LRRC37A2: variants seen among roughly 807,000 people sequenced by gnomAD.
LRRC37A2 encodes the protein leucine-rich repeat-containing protein 37A2.
A neutral mutation model predicts 68.8 loss-of-function variants in LRRC37A2; 9 were observed. The observed-to-expected ratio is 0.13, with a 90% CI of 0.08 to 0.23. The LOEUF (loss-of-function observed/expected upper bound fraction) is 0.23, where lower values mean the gene tolerates loss of function less well. Among genes scored for constraint, LRRC37A2 ranks in the 10% least tolerant of loss-of-function variants. LRRC37A2 has a pLI of 1.00. For missense variants in LRRC37A2, 168 were observed against 950.4 expected (o/e 0.18, Z 10.82); for synonymous variants, 63 against 367.6 (o/e 0.17, Z 9.48).
At chr17:46,990,398 A>G in the LRRC37A2 span, among the ~76,000 whole-genome samples, 1 of 152,222 alleles carries the variant, frequency 6.6e-6, no homozygotes, top group Non-Finnish European at 1.5e-5. Flanking sequence ...ATCTTTGCCA[A>G]TGTCCTTAAG....
chr17:46,907,666 CA>C, the LRRC37A2 span, among the ~76,000 whole-genome samples: 1 of 117,364 alleles, frequency 8.5e-6, no homozygotes, highest in East Asian at 2.7e-4. Flanking sequence ...GTGAAACCTC[CA>C]TCTCTACAAA....
the LRRC37A2 span, among the ~76,000 whole-genome samples, chr17:46,988,008 C>T: frequency 1.3e-5 from 2 of 152,110 alleles, no homozygotes; most frequent in East Asian, 3.8e-4. Flanking sequence ...CGTGTCTCTA[C>T]TAAAAATACA....
chr17:46,708,823 T>TATATA, the LRRC37A2 span, among the ~76,000 whole-genome samples: 99 of 59,568 alleles, frequency 1.7e-3, no homozygotes, highest in Admixed American at 0.014. Flanking sequence ...TATATATATA[T>TATATA]TTTTTTTTTT....
the LRRC37A2 span, among the ~76,000 whole-genome samples, chr17:46,946,178 G>A: frequency 7.3e-5 from 11 of 151,318 alleles, no homozygotes; most frequent in East Asian, 1.6e-3. Context: ...TCTCATGCCT[G>A]TAATCCCAGC....
At chr17:46,793,124 A>G in the LRRC37A2 span, among the ~76,000 whole-genome samples, 2 of 125,858 alleles carry the variant, frequency 1.6e-5, no homozygotes, top group East Asian at 4.7e-4. Context: ...AAAAAAAAAA[A>G]TTAGCTGGGC....
the LRRC37A2 span, among the ~76,000 whole-genome samples, chr17:46,817,378 G>A: frequency 7.2e-5 from 11 of 152,004 alleles, no homozygotes; most frequent in Admixed American, 2.0e-4. Context: ...ACCTCCCCCC[G>A]CCCAGGCCAA....
the LRRC37A2 span, among the ~76,000 whole-genome samples, chr17:46,847,211 T>A: frequency 6.6e-6 from 1 of 152,358 alleles, no homozygotes; most frequent in Admixed American, 6.5e-5. Flanking sequence ...GGCATGGCTG[T>A]GAGTTCCCTG....
At chr17:46,872,429 T>G in the LRRC37A2 span, 1 of 1,394,054 alleles carries the variant, frequency 7.2e-7, no homozygotes, top group Admixed American at 2.7e-5. Context: ...GGGCAGTAAA[T>G]GAAGCCCCTG....
the LRRC37A2 span, among the ~76,000 whole-genome samples, chr17:46,754,192 T>C: frequency 1.3e-5 from 2 of 149,884 alleles, no homozygotes; most frequent in African/African-American, 2.5e-5. Flanking sequence ...TTGATTCATA[T>C]GTAATTCTAT....
chr17:46,382,148 C>T, the LRRC37A2 span, among the ~76,000 whole-genome samples: 1 of 148,044 alleles, frequency 6.8e-6, no homozygotes, highest in South Asian at 2.2e-4. Context: ...CGTGGTGGCA[C>T]ATGCCTGTAA....
the LRRC37A2 span, among the ~76,000 whole-genome samples, chr17:46,904,833 A>G: frequency 1.3e-5 from 2 of 152,292 alleles, no homozygotes; most frequent in Non-Finnish European, 1.5e-5. Context: ...AAGGCCTCAG[A>G]AACAGTGTCC....
chr17:46,970,269 G>A, the LRRC37A2 span, among the ~76,000 whole-genome samples: 2 of 152,116 alleles, frequency 1.3e-5, no homozygotes, highest in South Asian at 2.1e-4. Flanking sequence ...GACCAGCCGC[G>A]GTGGCTCACG....
chr17:47,037,203 T>A, the LRRC37A2 span, among the ~76,000 whole-genome samples: 2 of 151,356 alleles, frequency 1.3e-5, no homozygotes, highest in Admixed American at 1.3e-4. Context: ...GGTAGGAGAA[T>A]CACTTGAACC....
the LRRC37A2 span, among the ~76,000 whole-genome samples, chr17:46,951,183 C>T: frequency 1.3e-5 from 2 of 152,190 alleles, no homozygotes; most frequent in African/African-American, 4.8e-5. Flanking sequence ...ACCACGCTGT[C>T]CCTAGGAGGA....
At chr17:46,751,629 G>A in the LRRC37A2 span, 58 of 1,539,226 alleles carry the variant, frequency 3.8e-5, no homozygotes, top group Admixed American at 1.2e-4. Flanking sequence ...AAGGTACTTC[G>A]TTCTCCGTAT....
chr17:47,018,796 A>G, the LRRC37A2 span: 25 of 1,521,138 alleles, frequency 1.6e-5, no homozygotes, highest in East Asian at 2.3e-5. Context: ...CAACCTCCAG[A>G]GCATTCACCC....
chr17:46,856,402 C>G, the LRRC37A2 span, among the ~76,000 whole-genome samples: 1 of 152,114 alleles, frequency 6.6e-6, no homozygotes, highest in Non-Finnish European at 1.5e-5. Flanking sequence ...AGTGTCATTA[C>G]TATAATTCCA....
chr17:46,545,344 A>G (rs1225589894), intron 8 of LRRC37A2, among the ~76,000 whole-genome samples: 1 of 141,294 alleles, frequency 7.1e-6, no homozygotes, highest in Admixed American at 6.9e-5. Flanking sequence ...CCAGCTACTC[A>G]GGAGGCTGAA....
chr17:46,757,935 A>C, the LRRC37A2 span, among the ~76,000 whole-genome samples: 1 of 151,514 alleles, frequency 6.6e-6, no homozygotes, highest in African/African-American at 2.4e-5. Context: ...CAGAGGTTGC[A>C]GTGAGCCAGG....
Sources: gnomAD v4.1 joint callset for allele counts (sites outside exome capture counted in the v4.1 genomes callset) on GRCh38, gnomAD v4.1.1 for gene constraint, MANE v1.5 for transcripts, NCBI Gene and HGNC (gene_info 2026-07-23, HGNC 2026-07-21) for gene names.